CNNM2: variants seen among roughly 807,000 people sequenced by gnomAD.
CNNM2 encodes cyclin and CBS domain divalent metal cation transport mediator 2.
A neutral mutation model predicts 66.9 loss-of-function variants in CNNM2; 12 were observed. That is an observed-to-expected ratio of 0.18 (90% confidence interval 0.11 to 0.29). The LOEUF is 0.29. Among genes scored for constraint, CNNM2 ranks in the 10% least tolerant of loss-of-function variants. The pLI is 1.00. For missense variants in CNNM2, 705 were observed against 1,167.7 expected, an observed-to-expected ratio of 0.60 and a Z score of 5.77; for synonymous variants, 557 against 501.8, an observed-to-expected ratio of 1.11 and a Z score of -1.47.
At chr10:102,959,726 G>A (rs999432243) in intron 1 of CNNM2, among the ~76,000 whole-genome samples, 18 of 152,120 alleles carry the variant, frequency 1.2e-4, no homozygotes, top group Admixed American at 5.9e-4. Context: ...ACAGGCATGC[G>A]CCACTGCAGC....
intron 2 of CNNM2, among the ~76,000 whole-genome samples, chr10:103,052,557 A>G (rs1020436697): frequency 6.7e-6 from 1 of 149,258 alleles, no homozygotes; most frequent in South Asian, 2.1e-4. Context: ...TCTATTGCCC[A>G]GGCTGGAGTG....
intron 6 of CNNM2, among the ~76,000 whole-genome samples, chr10:103,073,295 A>C (rs1232936469): frequency 6.6e-6 from 1 of 152,250 alleles, no homozygotes; most frequent in African/African-American, 2.4e-5. Context: ...TCAGGAGAAA[A>C]CAGGAGACTC....
chr10:103,000,298 CT>C (rs2064094285), intron 1 of CNNM2, among the ~76,000 whole-genome samples: 1 of 151,290 alleles, frequency 6.6e-6, no homozygotes, highest in Non-Finnish European at 1.5e-5. Flanking sequence ...GGAATAGCTG[CT>C]ATAGAAAACT....
chr10:102,979,426 A>T (rs2063686123), intron 1 of CNNM2, among the ~76,000 whole-genome samples: 1 of 152,092 alleles, frequency 6.6e-6, no homozygotes, highest in African/African-American at 2.4e-5. Flanking sequence ...TTGTTATACC[A>T]CCTAGCTATG....
chr10:102,945,825 T>C (rs1846598460), intron 1 of CNNM2, among the ~76,000 whole-genome samples: 1 of 152,160 alleles, frequency 6.6e-6, no homozygotes, highest in Non-Finnish European at 1.5e-5. Context: ...GTAATTGTTG[T>C]TTACAATTTC....
At chr10:103,047,240 T>C (rs1285532297) in intron 1 of CNNM2, among the ~76,000 whole-genome samples, 1 of 152,188 alleles carries the variant, frequency 6.6e-6, no homozygotes, top group Non-Finnish European at 1.5e-5. Flanking sequence ...TAACCACTGA[T>C]GTAACTAGAA....
Position 103,077,138 on chromosome 10 carries a change from C to T in CNNM2, c.2586C>T (p.His862=). The T allele has an allele frequency of 6.2e-7, 1 of 1,613,844 alleles. No individual in the cohort carries two copies. The highest frequency in any genetic ancestry group is 8.5e-7 in the Non-Finnish European group (1 of 1,179,904). Residue 862 remains histidine, a synonymous_variant, in exon 8 of 8, where the codon CAC becomes CAT. Coordinates refer to ENST00000369878, the MANE Select transcript of CNNM2 (RefSeq NM_017649.5). The stretch of plus-strand genomic sequence containing the variant: ...TCAACGAACAGAACTGTGTGACGCA[C>T]AGTAAGGCCAACCACAGCCTGCACA... The part of the protein sequence containing the change: ...NLLNEQNCVT[H]SKANHSLHNE...
Position 103,054,406 on chromosome 10 carries a change from G to A in CNNM2, c.1843G>A (p.Glu615Lys), listed in dbSNP as rs2065263834. The change falls in exon 3 of 8, where the codon GAG (glutamate) becomes AAG (lysine). Residue 615 changes from glutamate to lysine, a missense_variant. Glu to Lys is a moderately conservative substitution (Grantham distance 56). Coordinates refer to ENST00000369878, the MANE Select transcript of CNNM2 (RefSeq NM_017649.5). This position sits in a 1 kb window ranked among gnomAD's most constrained non-coding sequence, Gnocchi z 5.2. ...TTCTGCCTTTAAGCAGACAGACAGT[G>A]AGATGAAGGTTAAAATATCACCACA... is the stretch of plus-strand genomic sequence containing the variant. ...DFSAFKQTDS[E>K]MKVKISPQLL... 1.2e-6 allele frequency: 2 copies of A among 1,613,826 alleles called. No homozygotes were observed. The highest frequency in any genetic ancestry group is 1.3e-5 in the African/African-American group (1 of 74,976).
intron 1 of CNNM2, among the ~76,000 whole-genome samples, chr10:102,998,573 T>C (rs2064047189): frequency 6.6e-6 from 1 of 152,154 alleles, no homozygotes; most frequent in Non-Finnish European, 1.5e-5. Flanking sequence ...GAATAACATA[T>C]AGCCCTTCGA....
At chr10:102,938,452 GA>G (rs1462798216) in intron 1 of CNNM2, among the ~76,000 whole-genome samples, 28 of 140,886 alleles carry the variant, frequency 2.0e-4, no homozygotes, top group Middle Eastern at 3.6e-3. Context: ...TCAAAAAATG[GA>G]AAAAAAAAAA....
At position 102,919,090 on chromosome 10, in the gene CNNM2, G is replaced by A; in HGVS notation, c.610G>A (p.Gly204Ser). The A allele has an allele frequency of 6.2e-7, 1 of 1,611,926 alleles. No homozygotes were observed. Among genetic ancestry groups the A allele is most frequent in the South Asian group, 1.1e-5 (1 of 91,052 alleles). The change falls in exon 1 of 8, where the codon GGC (glycine) becomes AGC (serine). Residue 204 changes from glycine (G) to serine (S), a missense_variant. Coordinates refer to ENST00000369878, the MANE Select transcript of CNNM2 (RefSeq NM_017649.5). ...CTCCACGCCCGCCCTGGGCGCCGGC[G>A]GCTCGGGGTCCACGGGTGGCGCCGT... ...SLSTPALGAG[G>S]SGSTGGAVGG... is the part of the protein sequence containing the mutation.
At chr10:103,057,127 T>C (rs1479136263) in intron 4 of CNNM2, among the ~76,000 whole-genome samples, 163 bp downstream of exon 4, 1 of 152,174 alleles carries the variant, frequency 6.6e-6, no homozygotes, top group Non-Finnish European at 1.5e-5. Flanking sequence ...GTAAAGTAAT[T>C]CTAATATAAA....
At chr10:103,004,433 A>G (rs79363415) in intron 1 of CNNM2, among the ~76,000 whole-genome samples, 2,138 of 152,272 alleles carry the variant, frequency 0.014, 42 homozygotes, top group African/African-American at 0.048. Flanking sequence ...ATCTGTGTGC[A>G]TTTCTGATAA....
At chr10:103,060,167 T>C (rs1001989456) in intron 4 of CNNM2, among the ~76,000 whole-genome samples, 3 of 151,988 alleles carry the variant, frequency 2.0e-5, no homozygotes, top group African/African-American at 7.2e-5. Context: ...TAAAAATTGA[T>C]CATTTATCAT....
chr10:102,937,267 G>A (rs188554702), intron 1 of CNNM2, among the ~76,000 whole-genome samples: 8 of 152,234 alleles, frequency 5.3e-5, no homozygotes, highest in African/African-American at 1.4e-4. Context: ...TTTGGTGAAA[G>A]CCAGCAGGGT....
intron 1 of CNNM2, among the ~76,000 whole-genome samples, chr10:102,937,979 A>T (rs1818950794): frequency 6.6e-6 from 1 of 152,032 alleles, no homozygotes; most frequent in South Asian, 2.1e-4. Flanking sequence ...AGGTGCCTTT[A>T]CTAAAGTCTG....
At chr10:102,945,681 C>G (rs1846592835) in intron 1 of CNNM2, among the ~76,000 whole-genome samples, 1 of 152,094 alleles carries the variant, frequency 6.6e-6, no homozygotes, top group Non-Finnish European at 1.5e-5. Flanking sequence ...GTTGTTTTCT[C>G]CTAAGCATTA....
In CNNM2 at chr10:103,071,744, G is replaced by A. The variant is rs778464393; in HGVS notation, c.2168-30G>A. On this transcript the variant is annotated intron_variant, in intron 5 of 7. Coordinates refer to ENST00000369878, the MANE Select transcript of CNNM2 (RefSeq NM_017649.5). ...GATCTCTGTTCTTGCCTTTTGATGCGATCTCACCCTGTTTTTCTCCATTTT... is the reference window on the plus strand; with the variant it reads ...GATCTCTGTTCTTGCCTTTTGATGCAATCTCACCCTGTTTTTCTCCATTTT... 90 of 1,587,526 alleles carry A rather than the reference G, an allele frequency of 5.7e-5. No homozygotes were observed. Among genetic ancestry groups the A allele is most frequent in the Middle Eastern group, 1.7e-4 (1 of 6,054 alleles).
chr10:102,959,675 C>G (rs1847173280), intron 1 of CNNM2, among the ~76,000 whole-genome samples: 1 of 152,162 alleles, frequency 6.6e-6, no homozygotes. Context: ...CTTCTGGGCT[C>G]AAGGAATCCT....
Sources: gnomAD v4.1 joint callset for allele counts (sites outside exome capture counted in the v4.1 genomes callset) on GRCh38, gnomAD v4.1.1 for gene constraint, Gnocchi (gnomAD v3.1) non-coding constraint, MANE v1.5 for transcripts, NCBI Gene and HGNC (gene_info 2026-07-23, HGNC 2026-07-21) for gene names.